The following DAAM1 variants were observed in gnomAD, a reference collection of about 807,000 sequenced individuals.
The protein encoded by DAAM1 is disheveled-associated activator of morphogenesis 1.
In DAAM1, 52 loss-of-function variants were observed where a neutral mutation model predicts 130.0. The ratio of observed to expected loss-of-function variants is 0.40; its 90% CI spans 0.32 to 0.50. The LOEUF is 0.50. DAAM1 is among the 20% of genes least tolerant of loss of function. DAAM1 has a pLI of 0.61. For missense variants in DAAM1, 1,134 were observed against 1,303.8 expected (o/e 0.87, Z 2.01); for synonymous variants, 452 against 444.5 (o/e 1.02, Z -0.21).
At chr14:59,213,489 G>A (rs1454330659) in intron 1 of DAAM1, among the ~76,000 whole-genome samples, 1 of 151,814 alleles carries the variant, frequency 6.6e-6, no homozygotes, top group Non-Finnish European at 1.5e-5. Context: ...GACTCTGATT[G>A]TCTGACTTGC....
At chr14:59,255,275 A>T (rs941304989) in intron 1 of DAAM1, among the ~76,000 whole-genome samples, 2 of 152,144 alleles carry the variant, frequency 1.3e-5, no homozygotes, top group Non-Finnish European at 2.9e-5. Flanking sequence ...CACTGAACAC[A>T]CTGACTGAGA....
At chr14:59,330,775 G>A in intron 13 of DAAM1, 87 bp downstream of exon 13, 1 of 1,313,962 alleles carries the variant, frequency 7.6e-7, no homozygotes, top group Non-Finnish European at 1.0e-6. Flanking sequence ...ACTTCATACT[G>A]GGGGAATAAA....
intron 12 of DAAM1, among the ~76,000 whole-genome samples, chr14:59,327,402 C>CTTTTTTTTGTTTTTTTTT (rs1885249868): frequency 1.7e-5 from 1 of 58,992 alleles, no homozygotes; most frequent in Admixed American, 2.5e-4. Context: ...CACTTGGTTT[C>CTTTTTTTTGTTTTTTTTT]TTTTTTTTTT....
At chr14:59,232,551 A>G (rs1889143569) in intron 1 of DAAM1, among the ~76,000 whole-genome samples, 1 of 152,140 alleles carries the variant, frequency 6.6e-6, no homozygotes, top group Non-Finnish European at 1.5e-5. Context: ...GAATGATAAA[A>G]TAAGCCATGT....
chr14:59,239,626 C>G (rs1167823519), intron 1 of DAAM1, among the ~76,000 whole-genome samples: 1 of 151,926 alleles, frequency 6.6e-6, no homozygotes, highest in African/African-American at 2.4e-5. Context: ...CGTATGCTTC[C>G]CCACCGCGCC....
chr14:59,215,076 A>G (rs1888536220), intron 1 of DAAM1, among the ~76,000 whole-genome samples: 1 of 152,230 alleles, frequency 6.6e-6, no homozygotes, highest in Non-Finnish European at 1.5e-5. Flanking sequence ...AGGGACCTGA[A>G]TGATAATTTT....
intron 6 of DAAM1, among the ~76,000 whole-genome samples, chr14:59,323,829 G>A (rs956654346): frequency 2.0e-5 from 3 of 151,910 alleles, no homozygotes; most frequent in East Asian, 3.9e-4. Context: ...TCAGGAGATC[G>A]AGACTGTCCT....
intron 3 of DAAM1, among the ~76,000 whole-genome samples, chr14:59,295,588 G>A (rs1883927298): frequency 6.6e-6 from 1 of 152,206 alleles, no homozygotes; most frequent in African/African-American, 2.4e-5. Context: ...CTGGAGAGCT[G>A]AAGCCCTCCT....
intron 1 of DAAM1, among the ~76,000 whole-genome samples, chr14:59,258,636 G>A (rs1301100112): frequency 1.3e-5 from 2 of 152,166 alleles, no homozygotes; most frequent in African/African-American, 4.8e-5. Flanking sequence ...GGGGTCCAGC[G>A]GAATGATTCC....
rs1018300286 is a variant in DAAM1, at chr14:59,196,517, G to T, written c.-38+7749G>T. Among the ~76,000 whole-genome samples the T allele has an allele frequency of 2.6e-5, 4 of 152,180 alleles. No individual in the cohort carries two copies. In the East Asian group the frequency reaches 7.8e-4, roughly 29 times the overall value. On this transcript the variant is annotated intron_variant, in intron 1 of 24. Coordinates refer to ENST00000360909, the MANE Select transcript of DAAM1 (RefSeq NM_001270520.2). ...CCAGCACTTTGGGAGGACGAGGCGG[G>T]CATATCACAAGGTCAGGAAGTCGAG...
chr14:59,327,398 G>GTTTTTTTTTTTTTTTTTTT (rs1338982717), intron 12 of DAAM1, among the ~76,000 whole-genome samples: 24 of 72,744 alleles, frequency 3.3e-4, no homozygotes, highest in African/African-American at 4.4e-4. Context: ...AGGTCACTTG[G>GTTTTTTTTTTTTTTTTTTT]TTTCTTTTTT....
intron 16 of DAAM1, among the ~76,000 whole-genome samples, chr14:59,342,202 G>A (rs1885876271): frequency 6.6e-6 from 1 of 152,192 alleles, no homozygotes; most frequent in Admixed American, 6.5e-5. Context: ...TAGTGTATAA[G>A]TATTATTACA....
At chr14:59,256,444 C>T (rs953007504) in intron 1 of DAAM1, among the ~76,000 whole-genome samples, 1 of 152,186 alleles carries the variant, frequency 6.6e-6, no homozygotes, top group Non-Finnish European at 1.5e-5. Flanking sequence ...ATTTCTTACT[C>T]TTTGCTAAGG....
chr14:59,272,318 C>G (rs1166187538), intron 2 of DAAM1, among the ~76,000 whole-genome samples: 2 of 152,178 alleles, frequency 1.3e-5, no homozygotes, highest in Non-Finnish European at 2.9e-5. Context: ...GTGGCTCACA[C>G]CTGTAATCCC....
Position 59,363,695 on chromosome 14 carries a change from G to A in DAAM1, c.2739G>A (p.Lys913=). ...CTCAGCCCCCACAGCCCGGAGATAAGTTTGTGTCTGTTGTCAGCCAGTTCA... is the reference window on the plus strand; with the variant it reads ...CTCAGCCCCCACAGCCCGGAGATAAATTTGTGTCTGTTGTCAGCCAGTTCA... ...QKSQPPQPGD[K]FVSVVSQFIT... Residue 913 remains lysine (K), a synonymous_variant, in exon 23 of 25, where the codon AAG becomes AAA. Coordinates refer to ENST00000360909, the MANE Select transcript of DAAM1 (RefSeq NM_001270520.2). 1 of 1,614,152 alleles carries A rather than the reference G, an allele frequency of 6.2e-7. No homozygotes were observed. Among genetic ancestry groups the A allele is most frequent in the Non-Finnish European group, 8.5e-7 (1 of 1,179,992 alleles).
chr14:59,295,308 A>G (rs1442363442), intron 3 of DAAM1, among the ~76,000 whole-genome samples: 1 of 152,194 alleles, frequency 6.6e-6, no homozygotes, highest in Non-Finnish European at 1.5e-5. Context: ...AACTTAATTA[A>G]ATCATTCAGT....
At chr14:59,263,188 G>T (rs1317407392) in intron 1 of DAAM1, among the ~76,000 whole-genome samples, 5 of 152,194 alleles carry the variant, frequency 3.3e-5, no homozygotes. Context: ...TAGAGTGTAT[G>T]TTGTCAGGAG....
intron 22 of DAAM1, among the ~76,000 whole-genome samples, chr14:59,361,978 T>C (rs927160855): frequency 2.6e-5 from 4 of 151,100 alleles, no homozygotes; most frequent in Non-Finnish European, 5.9e-5. Context: ...CAATGTCTAA[T>C]TTTTTTTTCA....
At chr14:59,212,962 GTGTATA>G (rs1888471481) in intron 1 of DAAM1, among the ~76,000 whole-genome samples, 1 of 152,088 alleles carries the variant, frequency 6.6e-6, no homozygotes, top group Non-Finnish European at 1.5e-5. Context: ...AAATAGGCAT[GTGTATA>G]TGTATCAGAC....
Sources: gnomAD v4.1 joint callset for allele counts (sites outside exome capture counted in the v4.1 genomes callset) on GRCh38, gnomAD v4.1.1 for gene constraint, MANE v1.5 for transcripts, NCBI Gene and HGNC (gene_info 2026-07-23, HGNC 2026-07-21) for gene names.